NRXN1: variants seen among roughly 807,000 people sequenced by gnomAD.
NRXN1 encodes neurexin-1.
Under a neutral mutation model 150.9 loss-of-function variants are expected in NRXN1, and 39 were observed. The observed-to-expected ratio is 0.26, with a 90% CI of 0.20 to 0.34. The LOEUF is 0.34. Among genes scored for constraint, NRXN1 ranks in the 10% least tolerant of loss-of-function variants. The pLI is 1.00. For missense variants in NRXN1, 1,815 were observed against 1,949.9 expected, an observed-to-expected ratio of 0.93 and a Z score of 1.30; for synonymous variants, 924 against 757.0, an observed-to-expected ratio of 1.22 and a Z score of -3.62.
intron 12 of NRXN1, among the ~76,000 whole-genome samples, chr2:50,523,617 G>A (rs1028389385): frequency 6.6e-6 from 1 of 152,096 alleles, no homozygotes; most frequent in East Asian, 1.9e-4. Flanking sequence ...CATAAAAATT[G>A]GTGATAACTA....
chr2:50,091,084 T>G (rs1446985255), intron 19 of NRXN1, among the ~76,000 whole-genome samples: 3 of 152,214 alleles, frequency 2.0e-5, no homozygotes, highest in Non-Finnish European at 4.4e-5. Flanking sequence ...TCTGATTTCA[T>G]TGATGTCCTG....
At chr2:50,160,185 A>C in intron 18 of NRXN1, among the ~76,000 whole-genome samples, 1 of 100,482 alleles carries the variant, frequency 1.0e-5, no homozygotes, top group Non-Finnish European at 2.4e-5. Flanking sequence ...TCAAGGATAT[A>C]TGATTTTTTC....
chr2:50,070,542 G>A (rs181444135), intron 19 of NRXN1, among the ~76,000 whole-genome samples: 1,986 of 151,826 alleles, frequency 0.013, 41 homozygotes, highest in African/African-American at 0.045. Context: ...AGGCCGAGGC[G>A]GGCGGATCAC....
chr2:49,930,143 TTG>T (rs1326778498), intron 22 of NRXN1, among the ~76,000 whole-genome samples: 1 of 152,148 alleles, frequency 6.6e-6, no homozygotes, highest in Non-Finnish European at 1.5e-5. Flanking sequence ...GTTAGAGTGG[TTG>T]TAGCACAGTG....
intron 17 of NRXN1, among the ~76,000 whole-genome samples, chr2:50,448,624 T>A (rs2086682265): frequency 1.3e-5 from 2 of 152,206 alleles, no homozygotes; most frequent in Non-Finnish European, 2.9e-5. Context: ...TTTACTAAAC[T>A]AAAATGCATA....
chr2:50,078,735 G>T (rs2152680812), intron 19 of NRXN1, among the ~76,000 whole-genome samples: 1 of 152,118 alleles, frequency 6.6e-6, no homozygotes, highest in East Asian at 1.9e-4. Context: ...TTTTTGTTGA[G>T]AATATGAATA....
rs772123448 is a variant in NRXN1 at position 50,506,521 on chromosome 2, GTTAACT to G, written c.2465_2470del (p.Lys822_Leu823del). 1 of 1,612,838 alleles carries G rather than the reference GTTAACT, an allele frequency of 6.2e-7. No individual in the cohort carries two copies. On this transcript the variant is annotated inframe_deletion, in exon 13 of 23. Coordinates refer to ENST00000401669, the MANE Select transcript of NRXN1 (RefSeq NM_001330078.2). ...TGTCATGGCCTGTTGGTCATCCACT[GTTAACT>G]TTAAACTTTTTCCACGCCGAACTAC... is the stretch of plus-strand genomic sequence containing the variant.
chr2:50,548,332 T>C (rs561880038), intron 9 of NRXN1: 1 of 152,306 alleles, frequency 6.6e-6, no homozygotes, highest in South Asian at 2.1e-4. Context: ...TATTTAACTT[T>C]CTCAGTGGCT....
chr2:50,732,639 C>T (rs1325320686), intron 5 of NRXN1, among the ~76,000 whole-genome samples: 2 of 152,128 alleles, frequency 1.3e-5, no homozygotes, highest in Non-Finnish European at 2.9e-5. Flanking sequence ...GCAAAACTGA[C>T]TTGACCCCGA....
At chr2:50,570,323 C>T (rs1418707693) in intron 8 of NRXN1, among the ~76,000 whole-genome samples, 2 of 152,102 alleles carry the variant, frequency 1.3e-5, no homozygotes, top group African/African-American at 4.8e-5. Context: ...GGCCTTTATG[C>T]TACACAAAAT....
chr2:50,769,816 T>C (rs2105441248), intron 5 of NRXN1, among the ~76,000 whole-genome samples: 1 of 152,214 alleles, frequency 6.6e-6, no homozygotes, highest in East Asian at 1.9e-4. Context: ...AACATGACCA[T>C]CTAGTGTCAA....
At chr2:50,018,593 A>G (rs1324135586) in intron 21 of NRXN1, among the ~76,000 whole-genome samples, 1 of 152,208 alleles carries the variant, frequency 6.6e-6, no homozygotes, top group Non-Finnish European at 1.5e-5. Context: ...TTTTGGGAAA[A>G]GAAGATATGT....
intron 5 of NRXN1, among the ~76,000 whole-genome samples, chr2:50,865,615 TA>T: frequency 7.2e-6 from 1 of 138,494 alleles, no homozygotes; most frequent in South Asian, 2.4e-4. Context: ...TGTGTGTGTG[TA>T]GTAGCACCTG....
intron 18 of NRXN1, among the ~76,000 whole-genome samples, chr2:50,208,437 C>A (rs78276107): frequency 0.057 from 8,634 of 152,178 alleles, 296 homozygotes; most frequent in Middle Eastern, 0.11. Flanking sequence ...CCTCCTCTGA[C>A]CATTCTTGCA....
chr2:50,457,177 C>T (rs955119795), intron 17 of NRXN1, among the ~76,000 whole-genome samples: 1 of 152,112 alleles, frequency 6.6e-6, no homozygotes, highest in Admixed American at 6.6e-5. Flanking sequence ...TGACAGCTCA[C>T]TCTGAAATTT....
chr2:50,112,617 C>T (rs12469244), intron 18 of NRXN1, among the ~76,000 whole-genome samples: 38,537 of 151,904 alleles, frequency 0.25, 5,317 homozygotes, highest in Admixed American at 0.39. Flanking sequence ...GATAGGATTC[C>T]ATGAGGGTGC....
intron 5 of NRXN1, among the ~76,000 whole-genome samples, chr2:50,664,871 C>A (rs858928): frequency 0.18 from 26,752 of 151,340 alleles, 2,471 homozygotes; most frequent in African/African-American, 0.23. Flanking sequence ...ACCTTCTTTG[C>A]AGAACAATAC....
chr2:50,829,830 C>A (rs1671138113), intron 5 of NRXN1, among the ~76,000 whole-genome samples: 1 of 152,010 alleles, frequency 6.6e-6, no homozygotes, highest in Non-Finnish European at 1.5e-5. Context: ...TATATAACTT[C>A]TCTTTCACAG....
intron 19 of NRXN1, among the ~76,000 whole-genome samples, chr2:50,069,947 T>C (rs974971133): frequency 6.7e-6 from 1 of 149,410 alleles, no homozygotes; most frequent in Non-Finnish European, 1.5e-5. Flanking sequence ...ACCTCCCGAG[T>C]TCATGCCATT....
Sources: gnomAD v4.1 joint callset for allele counts (sites outside exome capture counted in the v4.1 genomes callset) on GRCh38, gnomAD v4.1.1 for gene constraint, MANE v1.5 for transcripts, NCBI Gene and HGNC (gene_info 2026-07-23, HGNC 2026-07-21) for gene names.